The following SHANK2 variants were observed in gnomAD, a reference collection of about 807,000 sequenced individuals.
The protein encoded by SHANK2 is SH3 and multiple ankyrin repeat domains protein 2.
In SHANK2, 43 loss-of-function variants were observed where a neutral mutation model predicts 133.7. That is an observed-to-expected ratio of 0.32 (90% CI 0.25 to 0.41). The LOEUF is 0.41. Ranked by LOEUF, SHANK2 falls within the 10% of genes least tolerant of loss-of-function variation. The pLI is 1.00. For missense variants in SHANK2, 1,994 were observed against 2,235.8 expected (o/e 0.89, Z 2.18); for synonymous variants, 1,017 against 952.8 (o/e 1.07, Z -1.24).
chr11:70,941,736 C>T (rs12293768), intron 10 of SHANK2, among the ~76,000 whole-genome samples: 6,881 of 152,202 alleles, frequency 0.045, 533 homozygotes, highest in African/African-American at 0.16. Flanking sequence ...CAACCTTGCT[C>T]GGACTTCCAG....
At chr11:70,820,984 G>A (rs1427925635) in intron 11 of SHANK2, among the ~76,000 whole-genome samples, 2 of 152,130 alleles carry the variant, frequency 1.3e-5, no homozygotes, top group African/African-American at 2.4e-5. Context: ...GGAGACGTCC[G>A]GCTGGCTTGG....
At chr11:71,075,968 T>G (rs1442941747) in intron 8 of SHANK2, among the ~76,000 whole-genome samples, 1 of 152,304 alleles carries the variant, frequency 6.6e-6, no homozygotes, top group South Asian at 2.1e-4. Context: ...AGTACCTATG[T>G]GCACCCTCAT....
At chr11:70,840,607 C>T (rs1386656791) in intron 11 of SHANK2, among the ~76,000 whole-genome samples, 1 of 152,168 alleles carries the variant, frequency 6.6e-6, no homozygotes, top group Non-Finnish European at 1.5e-5. Context: ...GAACTGTCCA[C>T]AAATAAAAGG....
At chr11:71,084,607 A>G (rs1434847570) in intron 8 of SHANK2, among the ~76,000 whole-genome samples, 1 of 152,186 alleles carries the variant, frequency 6.6e-6, no homozygotes, top group Non-Finnish European at 1.5e-5. Flanking sequence ...TCAGCCTGAG[A>G]GCTCGGAGGT....
chr11:70,558,447 G>C (rs548084622), intron 17 of SHANK2, among the ~76,000 whole-genome samples: 1 of 152,360 alleles, frequency 6.6e-6, no homozygotes, highest in Admixed American at 6.5e-5. Flanking sequence ...GACAGTGCCT[G>C]GACAGAGCTT....
At chr11:70,948,145 A>C (rs1555085794) in intron 10 of SHANK2, among the ~76,000 whole-genome samples, 1 of 152,150 alleles carries the variant, frequency 6.6e-6, no homozygotes. Flanking sequence ...CTTTGCCCCA[A>C]ATGTCACAGA....
At position 71,113,464 on chromosome 11, in the gene SHANK2, G is replaced by A. The variant is rs928096390; in HGVS notation, c.412-100C>T. 21 of 1,060,170 alleles carry A rather than the reference G, an allele frequency of 2.0e-5. No individual in the cohort carries two copies. The South Asian group carries it at 2.0e-4, about 10-fold the overall frequency. 65.7% of individuals were successfully genotyped at this position (1,060,170 alleles called of 1,614,324 possible). On this transcript the variant is annotated intron_variant, in intron 4 of 25. Transcript: ENST00000601538. ...TTTCCTTGGCTATGTCACAGAAGAC[G>A]GGGAACCCCACAGCAAACTTCCAGT...
Position 70,807,907 on chromosome 11 carries a change from A to AG in SHANK2, c.1494-737_1494-736insC, listed in dbSNP as rs1948197349. Among the ~76,000 whole-genome samples the AG allele has an allele frequency of 6.6e-6, 1 of 152,168 alleles. No individual in the cohort carries two copies. Among genetic ancestry groups the AG allele is most frequent in the Non-Finnish European group, 1.5e-5 (1 of 68,030 alleles). On this transcript the variant is annotated intron_variant, in intron 12 of 25. Transcript: ENST00000601538. This position sits in a 1 kb window ranked among gnomAD's most constrained non-coding sequence, Gnocchi z 4.8. ...GACACTGCTCAGTGAGATACACCAG[A>AG]CACAAAAGAACACAGACTGTGTGAT...
At chr11:70,694,005 A>T (rs1253921033) in intron 15 of SHANK2, among the ~76,000 whole-genome samples, 5 of 152,170 alleles carry the variant, frequency 3.3e-5, no homozygotes, top group African/African-American at 4.8e-5. Context: ...GTATAAATGG[A>T]GTCCGTTCAG....
intron 11 of SHANK2, among the ~76,000 whole-genome samples, chr11:70,823,251 C>A (rs1483625322): frequency 1.1e-5 from 1 of 88,574 alleles, no homozygotes; most frequent in Non-Finnish European, 2.2e-5. Context: ...ACAGAGGTGG[C>A]GCTGGCAGAG....
At chr11:71,176,106 G>A (rs556163849) in intron 2 of SHANK2, among the ~76,000 whole-genome samples, 1 of 152,196 alleles carries the variant, frequency 6.6e-6, no homozygotes. Flanking sequence ...ACCATTCATG[G>A]GGCAGTGAAC....
At chr11:71,191,556 T>G (rs1953793776) in intron 2 of SHANK2, among the ~76,000 whole-genome samples, 1 of 152,084 alleles carries the variant, frequency 6.6e-6, no homozygotes, top group Non-Finnish European at 1.5e-5. Context: ...TCCTCTGTTT[T>G]TTGTTTTGTT....
At chr11:70,845,530 T>C (rs1373436886) in intron 11 of SHANK2, among the ~76,000 whole-genome samples, 1 of 151,986 alleles carries the variant, frequency 6.6e-6, no homozygotes, top group Non-Finnish European at 1.5e-5. Context: ...CCATCTTAGG[T>C]GCCGAGGATA....
At chr11:70,790,822 C>T (rs1223567910) in intron 14 of SHANK2, among the ~76,000 whole-genome samples, 4 of 152,224 alleles carry the variant, frequency 2.6e-5, no homozygotes, top group Admixed American at 1.3e-4. Context: ...ATCCAGGTTC[C>T]CTCCACAGGG....
chr11:70,530,614 A>G lies in SHANK2; in HGVS notation c.2062-27683T>C, dbSNP rs115799636. On this transcript the variant is annotated intron_variant, in intron 17 of 25. Coordinates refer to ENST00000601538, the MANE Select transcript of SHANK2 (RefSeq NM_012309.5). ...GATGAGCCTTGAGGACATCATGCTCAGCGAAATAAGCCAGACACAGAAGGA... is the reference window on the plus strand; with the variant it reads ...GATGAGCCTTGAGGACATCATGCTCGGCGAAATAAGCCAGACACAGAAGGA... Among the ~76,000 whole-genome samples, 876 of 152,328 alleles carry G rather than the reference A, an allele frequency of 5.8e-3. 14 individuals are homozygous for G. Among genetic ancestry groups the G allele is most frequent in the African/African-American group, 0.02 (835 of 41,578 alleles).
At chr11:71,210,732 C>T (rs1257506218) in intron 2 of SHANK2, among the ~76,000 whole-genome samples, 2 of 152,082 alleles carry the variant, frequency 1.3e-5, no homozygotes, top group Non-Finnish European at 2.9e-5. Flanking sequence ...GAGACCCAGG[C>T]GTCTGCTGAA....
chr11:70,857,142 G>A (rs782674086), intron 11 of SHANK2, among the ~76,000 whole-genome samples: 3 of 152,224 alleles, frequency 2.0e-5, no homozygotes, highest in Non-Finnish European at 4.4e-5. Flanking sequence ...TGGTTTCCAT[G>A]CTTTGCATAA....
intron 14 of SHANK2, among the ~76,000 whole-genome samples, chr11:70,764,578 C>T (rs1024841791): frequency 6.6e-6 from 1 of 151,598 alleles, no homozygotes; most frequent in Non-Finnish European, 1.5e-5. Context: ...CACACTGATC[C>T]ATCTACCCAT....
chr11:70,644,721 C>T (rs1342994792), intron 17 of SHANK2, among the ~76,000 whole-genome samples: 3 of 152,354 alleles, frequency 2.0e-5, no homozygotes, highest in East Asian at 3.9e-4. Context: ...TCCAGACCTG[C>T]TTGCTAAACC....
Sources: gnomAD v4.1 joint callset for allele counts (sites outside exome capture counted in the v4.1 genomes callset) on GRCh38, gnomAD v4.1.1 for gene constraint, Gnocchi (gnomAD v3.1) non-coding constraint, MANE v1.5 for transcripts, NCBI Gene and HGNC (gene_info 2026-07-23, HGNC 2026-07-21) for gene names.